The following FRMD4A variants were observed in gnomAD, a reference collection of about 807,000 sequenced individuals.
FRMD4A encodes FERM domain containing 4A.
A neutral mutation model predicts 129.1 loss-of-function variants in FRMD4A; 29 were observed. The ratio of observed to expected loss-of-function variants is 0.22; its 90% CI spans 0.17 to 0.31. FRMD4A has a LOEUF of 0.31. FRMD4A is among the 10% of genes least tolerant of loss of function. The pLI, the probability that FRMD4A is intolerant of heterozygous loss-of-function variation, is 1.00. For missense variants in FRMD4A, 1,272 were observed against 1,375.8 expected (o/e 0.92, Z 1.19); for synonymous variants, 634 against 571.6 (o/e 1.11, Z -1.56).
chr10:13,651,850 C>T, intron 24 of FRMD4A, 53 bp downstream of exon 24: 1 of 869,488 alleles, frequency 1.2e-6, no homozygotes, highest in South Asian at 1.3e-5. Flanking sequence ...AAAAGCAACA[C>T]ATGTGGGACC....
chr10:13,707,045 G>A lies in FRMD4A; in HGVS notation c.828C>T (p.Asp276=). 1.3e-6 allele frequency: 2 copies of A among 1,561,874 alleles called. No homozygotes were observed. Among genetic ancestry groups the A allele is most frequent in the Non-Finnish European group, 1.8e-6 (2 of 1,132,430 alleles). The change falls in exon 13 of 25, where the codon GAC becomes GAT. Residue 276 remains aspartate, a synonymous_variant. Coordinates refer to ENST00000357447, the MANE Select transcript of FRMD4A (RefSeq NM_018027.5). The part of the protein sequence containing the change: ...REKKFSVEVH[D]PRRASVTRRT... ...GGACTTTTCAAGCTTACCTGCGTGG[G>A]TCATGAACTTCCACGGAAAACTTCT...
chr10:14,114,807 C>T lies in FRMD4A; in HGVS notation c.45+215251G>A, dbSNP rs1196879281. 3.9e-5 allele frequency among the ~76,000 whole-genome samples: 6 copies of T among 152,152 alleles called. No homozygotes were observed. In the South Asian group the frequency reaches 8.3e-4, roughly 21 times the overall value. ...AGAGAGTTTCAGAATCCTGCAGATC[C>T]GCTGGTAGGCATCTCAGCCTGCAAA... On this transcript the variant is annotated intron_variant, in intron 2 of 24. Coordinates refer to ENST00000357447, the MANE Select transcript of FRMD4A (RefSeq NM_018027.5).
At chr10:14,234,473 A>T (rs112260062) in intron 2 of FRMD4A, among the ~76,000 whole-genome samples, 51 of 152,286 alleles carry the variant, frequency 3.3e-4, no homozygotes, top group African/African-American at 1.1e-3. Context: ...GGCACGAGGG[A>T]ATTCTTCTTA....
chr10:14,043,826 G>A (rs1209904406), intron 2 of FRMD4A, among the ~76,000 whole-genome samples: 3 of 152,128 alleles, frequency 2.0e-5, no homozygotes, highest in Admixed American at 6.5e-5. Context: ...AGATCTCTGG[G>A]TCATCTTTTT....
At chr10:14,194,523 A>G (rs905328409) in intron 2 of FRMD4A, among the ~76,000 whole-genome samples, 2 of 152,216 alleles carry the variant, frequency 1.3e-5, no homozygotes, top group African/African-American at 4.8e-5. Flanking sequence ...AGGCAGGAGA[A>G]TGGCGGGAAC....
At chr10:13,669,608 T>G (rs1418686470) in intron 17 of FRMD4A, among the ~76,000 whole-genome samples, 2 of 152,244 alleles carry the variant, frequency 1.3e-5, no homozygotes, top group Non-Finnish European at 2.9e-5. Context: ...TCCTGACCTT[T>G]TAAGGCCTCT....
At chr10:13,952,631 A>C (rs986546522) in intron 2 of FRMD4A, among the ~76,000 whole-genome samples, 3 of 152,238 alleles carry the variant, frequency 2.0e-5, no homozygotes, top group African/African-American at 7.2e-5. Flanking sequence ...TGATGGTTCA[A>C]ATCTGGCTCT....
intron 2 of FRMD4A, among the ~76,000 whole-genome samples, chr10:13,930,478 C>A (rs1254610761): frequency 1.3e-5 from 2 of 152,170 alleles, no homozygotes; most frequent in African/African-American, 4.8e-5. Context: ...GCTCTGCAGA[C>A]CCATTGATGG....
At chr10:14,290,780 AC>A (rs1171291482) in intron 2 of FRMD4A, among the ~76,000 whole-genome samples, 2 of 152,014 alleles carry the variant, frequency 1.3e-5, no homozygotes, top group Non-Finnish European at 2.9e-5. Context: ...ATACTCAAAC[AC>A]TTTTAAGCCC....
At chr10:13,813,576 G>A (rs2093485601) in intron 3 of FRMD4A, among the ~76,000 whole-genome samples, 1 of 152,220 alleles carries the variant, frequency 6.6e-6, no homozygotes, top group Non-Finnish European at 1.5e-5. Flanking sequence ...AAACATCACA[G>A]CTTAGCCTAG....
intron 8 of FRMD4A, among the ~76,000 whole-genome samples, chr10:13,753,521 G>A (rs1163452381): frequency 1.3e-5 from 2 of 150,272 alleles, no homozygotes; most frequent in Non-Finnish European, 3.0e-5. Context: ...CAAACACATT[G>A]ATGAAATATG....
chr10:14,050,463 A>G (rs2131685619), intron 2 of FRMD4A, among the ~76,000 whole-genome samples: 2 of 152,322 alleles, frequency 1.3e-5, no homozygotes, highest in South Asian at 4.1e-4. Flanking sequence ...AATAAAAAAT[A>G]AATATTTGGT....
intron 2 of FRMD4A, among the ~76,000 whole-genome samples, chr10:14,127,360 T>C (rs1209683719): frequency 1.3e-5 from 2 of 152,186 alleles, no homozygotes; most frequent in East Asian, 3.8e-4. Flanking sequence ...ACATTTTCTT[T>C]TGTGAAAACT....
At chr10:13,847,997 A>G (rs900742728) in intron 3 of FRMD4A, among the ~76,000 whole-genome samples, 2 of 152,232 alleles carry the variant, frequency 1.3e-5, no homozygotes, top group African/African-American at 4.8e-5. Context: ...TATGCTCTAC[A>G]TAGAGGTGTG....
chr10:13,836,872 C>A (rs375135484), intron 3 of FRMD4A, among the ~76,000 whole-genome samples: 1 of 151,804 alleles, frequency 6.6e-6, no homozygotes, highest in East Asian at 2.0e-4. Context: ...ATTCTCCTGC[C>A]TCAGCCTCCC....
intron 5 of FRMD4A, among the ~76,000 whole-genome samples, chr10:13,795,786 G>C (rs1475253030): frequency 6.6e-6 from 1 of 152,134 alleles, no homozygotes; most frequent in African/African-American, 2.4e-5. Flanking sequence ...TTCAGACTTT[G>C]CCCCTGAACC....
At chr10:14,181,187 G>C (rs1335001513) in intron 2 of FRMD4A, among the ~76,000 whole-genome samples, 3 of 152,328 alleles carry the variant, frequency 2.0e-5, no homozygotes, top group Non-Finnish European at 4.4e-5. Context: ...ACTTCAGCTG[G>C]AAATGGTTCT....
At chr10:13,908,518 AAT>A (rs1228359926) in intron 2 of FRMD4A, among the ~76,000 whole-genome samples, 1 of 152,238 alleles carries the variant, frequency 6.6e-6, no homozygotes, top group Non-Finnish European at 1.5e-5. Context: ...GAGATTTATC[AAT>A]ATGAGTGTTT....
At chr10:13,936,364 C>T (rs750606543) in intron 2 of FRMD4A, among the ~76,000 whole-genome samples, 24 of 152,178 alleles carry the variant, frequency 1.6e-4, no homozygotes, top group Admixed American at 3.9e-4. Flanking sequence ...GTCTCCTATT[C>T]ATCTTGGGTG....
Sources: allele counts gnomAD v4.1 joint callset (sites outside exome capture counted in the v4.1 genomes callset), GRCh38; gene constraint gnomAD v4.1.1; transcripts MANE v1.5; gene names NCBI Gene and HGNC (gene_info 2026-07-23, HGNC 2026-07-21).